JAK3: variants seen among roughly 807,000 people sequenced by gnomAD.
JAK3 encodes Janus kinase 3, also known as tyrosine-protein kinase JAK3.
In JAK3, 88 loss-of-function variants were observed where a neutral mutation model predicts 120.8. The ratio of observed to expected loss-of-function variants is 0.73; its 90% confidence interval spans 0.61 to 0.87. The LOEUF (loss-of-function observed/expected upper bound fraction) is 0.87, where lower values mean the gene tolerates loss of function less well. Among genes scored for constraint, JAK3 ranks in the 40% least tolerant of loss-of-function variants. The pLI is 0.00. For missense variants in JAK3, 1,254 were observed against 1,501.4 expected (o/e 0.84, Z 2.72); for synonymous variants, 592 against 628.6 (o/e 0.94, Z 0.87).
intron 14 of JAK3, 145 bp from the exon 15 acceptor site, chr19:17,835,360 T>C: frequency 8.8e-7 from 1 of 1,130,170 alleles, no homozygotes; most frequent in Non-Finnish European, 1.2e-6. Context: ...CATCCTGTCT[T>C]GCCCCTCTAG....
chr19:17,843,296 G>A lies in JAK3; in HGVS notation c.420+84C>T. ...TGGACTGCCACAGGGAGGGTCAGACGAGGCCCCACCTGATTGCATGCCAGT... is the reference window on the plus strand; with the variant it reads ...TGGACTGCCACAGGGAGGGTCAGACAAGGCCCCACCTGATTGCATGCCAGT... On this transcript the variant is annotated intron_variant, in intron 4 of 23. Transcript: ENST00000458235. This position sits in a 1 kb window ranked among gnomAD's most constrained non-coding sequence, Gnocchi z 5.4. 4.6e-6 allele frequency: 7 copies of A among 1,523,980 alleles called. No homozygotes were observed. The highest frequency in any genetic ancestry group is 6.2e-6 in the Non-Finnish European group (7 of 1,122,670). The allele number at this position is 1,523,980 out of a possible 1,614,324, so 94.4% of individuals were successfully genotyped here.
chr19:17,831,221 T>A lies in JAK3; in HGVS notation c.2978+7A>T, dbSNP rs1327826496. On this transcript the variant is annotated splice_region_variant and intron_variant, in intron 21 of 23. Transcript: ENST00000458235. This position sits in a 1 kb window ranked among gnomAD's most constrained non-coding sequence, Gnocchi z 5.1. ...ATAGGGGCGGAGCCTAGGCGCGGGT[T>A]CCCCACCAGAAAATGGGGCTCTGGC... 1 of 1,611,418 alleles carries A rather than the reference T, an allele frequency of 6.2e-7. No individual in the cohort carries two copies. The highest frequency in any genetic ancestry group is 2.2e-5 in the East Asian group (1 of 44,848).
At chr19:17,844,130 C>G in intron 2 of JAK3, 104 bp downstream of exon 2, 1 of 1,336,626 alleles carries the variant, frequency 7.5e-7, no homozygotes, top group Non-Finnish European at 1.0e-6. Context: ...CCCCAAAGCC[C>G]CAGCTCCGAT....
intron 1 of JAK3, among the ~76,000 whole-genome samples, chr19:17,846,911 G>C (rs535633953): frequency 2.1e-4 from 32 of 150,122 alleles, no homozygotes; most frequent in African/African-American, 6.4e-4. Flanking sequence ...TATTTTGTAG[G>C]GGGGAGGACG....
chr19:17,844,813 A>G (rs2094248564), intron 1 of JAK3, among the ~76,000 whole-genome samples: 1 of 62,852 alleles, frequency 1.6e-5, no homozygotes, highest in South Asian at 4.5e-4. Context: ...AAAAAAAAAA[A>G]GAAAGAAAGA....
At chr19:17,844,947 C>A (rs1044690782) in intron 1 of JAK3, among the ~76,000 whole-genome samples, 3 of 152,124 alleles carry the variant, frequency 2.0e-5, no homozygotes, top group Admixed American at 2.0e-4. Context: ...ACTCAGGGCC[C>A]TCAGCTGGGT....
chr19:17,830,706 G>A, intron 21 of JAK3, 86 bp from the exon 22 acceptor site: 1 of 1,066,470 alleles, frequency 9.4e-7, no homozygotes, highest in Non-Finnish European at 1.5e-6. Context: ...ACTGGTCAGG[G>A]TAGGTGGGGA....
chr19:17,828,348 T>C (rs1347569104), intron 23 of JAK3, among the ~76,000 whole-genome samples: 10 of 152,176 alleles, frequency 6.6e-5, no homozygotes. Context: ...CTTAACCTCC[T>C]GGGCTCAAGC....
chr19:17,834,853 T>G lies in JAK3; in HGVS notation c.2198A>C (p.Lys733Thr). The G allele has an allele frequency of 4.3e-6, 7 of 1,614,136 alleles. No homozygotes were observed. Among genetic ancestry groups the G allele is most frequent in the Non-Finnish European group, 5.9e-6 (7 of 1,180,014 alleles). ...TMPISALDPA[K>T]KLQFYEDRQQ... The stretch of plus-strand genomic sequence containing the variant: ...CGATGCCGGGTGAGGGGCTCTGACC[T>G]TAGCAGGATCCAGGGCACTGATGGG... The change falls in exon 16 of 24, where the codon AAG becomes ACG. Residue 733 changes from lysine (K) to threonine (T), a missense_variant and splice_region_variant. By Grantham distance (78) the Lys-to-Thr change is moderately conservative. Around this residue, in one of 3 missense-constraint regions of JAK3, gnomAD observed 630 missense variants for 819.8 expected, o/e 0.77. Transcript: ENST00000458235.
chr19:17,830,699 G>A (rs1277461826), intron 21 of JAK3, 79 bp from the exon 22 acceptor site: 6 of 1,114,370 alleles, frequency 5.4e-6, no homozygotes. Context: ...ATGGGGAACT[G>A]GTCAGGGTAG....
rs558866173 is a variant in JAK3, at chr19:17,837,269, C to T, written c.1702-56G>A. On this transcript the variant is annotated intron_variant, in intron 12 of 23. Coordinates refer to ENST00000458235, the MANE Select transcript of JAK3 (RefSeq NM_000215.4). ...GTGGGTTTCTTCCACTCCAATAATC[C>T]CAAATTTTGTGCTCACAGACCTGCC... 45 of 1,424,304 alleles carry T rather than the reference C, an allele frequency of 3.2e-5. No homozygotes were observed. The East Asian group carries it at 9.9e-4, about 31-fold the overall frequency. 88.2% of individuals were successfully genotyped at this position (1,424,304 alleles called of 1,614,324 possible).
At chr19:17,845,981 C>G (rs1687727199) in intron 1 of JAK3, among the ~76,000 whole-genome samples, 1 of 152,056 alleles carries the variant, frequency 6.6e-6, no homozygotes, top group Admixed American at 6.5e-5. Context: ...CCATGCCCGG[C>G]TAATTTTTGT....
Position 17,831,280 on chromosome 19 carries a change from G to A in JAK3, c.2926C>T (p.Leu976Phe). ...CGGACCACGTAGTAGTCTTTGTCAA[G>A]CGGCAGCAGCTTAGCTAGGCCGAAG... ...ADFGLAKLLPLDKDYYVVREP... is the reference protein window; with the variant it reads ...ADFGLAKLLPFDKDYYVVREP... The change falls in exon 21 of 24, where the codon CTT (leucine) becomes TTT (phenylalanine). Residue 976 changes from leucine to phenylalanine, a missense_variant. Around this residue, in one of 3 missense-constraint regions of JAK3, gnomAD observed 630 missense variants for 819.8 expected, o/e 0.77. Coordinates refer to ENST00000458235, the MANE Select transcript of JAK3 (RefSeq NM_000215.4). The surrounding 1 kb of genome is among the most constrained non-coding windows in gnomAD (Gnocchi z 5.1). The A allele has an allele frequency of 1.2e-6, 2 of 1,612,806 alleles. No individual in the cohort carries two copies. Among genetic ancestry groups the A allele is most frequent in the Non-Finnish European group, 1.7e-6 (2 of 1,179,852 alleles).
chr19:17,833,576 G>A (rs2094218377), intron 17 of JAK3, among the ~76,000 whole-genome samples: 1 of 150,788 alleles, frequency 6.6e-6, no homozygotes. Flanking sequence ...ATCCAGCCTG[G>A]TGTGGTGGCT....
rs2094222056 is a variant in JAK3 at position 17,835,222 on chromosome 19, G to A, written c.1915-7C>T. On this transcript the variant is annotated splice_region_variant and splice_polypyrimidine_tract_variant and intron_variant, in intron 14 of 23. Transcript: ENST00000458235. ...GGGGCAGGCCTTTGTCCTCCTAAGG[G>A]GGCCAGACACAGGAAAATGCCCGGG... 1 of 1,613,442 alleles carries A rather than the reference G, an allele frequency of 6.2e-7. No homozygotes were observed. Among genetic ancestry groups the A allele is most frequent in the Non-Finnish European group, 8.5e-7 (1 of 1,179,904 alleles).
intron 23 of JAK3, among the ~76,000 whole-genome samples, chr19:17,827,836 A>C (rs1162892467): frequency 6.8e-6 from 1 of 147,294 alleles, no homozygotes; most frequent in Non-Finnish European, 1.5e-5. Flanking sequence ...TGGGAGGCGG[A>C]AGTTGTGGTG....
At position 17,835,218 on chromosome 19, in the gene JAK3, A is replaced by C; in HGVS notation, c.1915-3T>G. On this transcript the variant is annotated splice_region_variant and splice_polypyrimidine_tract_variant and intron_variant, in intron 14 of 23. Coordinates refer to ENST00000458235, the MANE Select transcript of JAK3 (RefSeq NM_000215.4). Reference sequence around the variant, plus strand: ...CCATGGGGCAGGCCTTTGTCCTCCTAAGGGGGCCAGACACAGGAAAATGCC... The same window carrying C: ...CCATGGGGCAGGCCTTTGTCCTCCTCAGGGGGCCAGACACAGGAAAATGCC... The C allele has an allele frequency of 6.2e-7, 1 of 1,613,644 alleles. No individual in the cohort carries two copies.
At chr19:17,840,093 T>A in intron 9 of JAK3, 137 bp downstream of exon 9, 1 of 713,906 alleles carries the variant, frequency 1.4e-6, no homozygotes, top group Non-Finnish European at 2.5e-6. Context: ...GACCTTTGAA[T>A]ATGCTGTTCT....
chr19:17,842,818 C>A lies in JAK3; in HGVS notation c.567-208G>T. ...TGGCGCCCACAGGTCGGACAGGGAC[C>A]CCACAGGCCTTTTAGCTGGGGGAGG... On this transcript the variant is annotated intron_variant, in intron 5 of 23. Transcript: ENST00000458235. The surrounding 1 kb of genome is among the most constrained non-coding windows in gnomAD (Gnocchi z 6.4). The A allele has an allele frequency of 1.2e-6, 1 of 845,020 alleles. No homozygotes were observed. The highest frequency in any genetic ancestry group is 1.6e-5 in the South Asian group (1 of 61,010). The allele number at this position is 845,020 out of a possible 1,614,324, so 52.3% of individuals were successfully genotyped here.
Sources: allele counts gnomAD v4.1 joint callset (sites outside exome capture counted in the v4.1 genomes callset), GRCh38; gene constraint gnomAD v4.1.1; regional missense constraint gnomAD v4.1.1; non-coding constraint Gnocchi (gnomAD v3.1); transcripts MANE v1.5; gene names NCBI Gene and HGNC (gene_info 2026-07-23, HGNC 2026-07-21).